The following MORC1 variants were observed in gnomAD, a reference collection of about 807,000 sequenced individuals.
MORC1 encodes the protein MORC family CW-type zinc finger protein 1.
A neutral mutation model predicts 134.9 loss-of-function variants in MORC1; 59 were observed. The ratio of observed to expected loss-of-function variants is 0.44; its 90% CI spans 0.35 to 0.54. The LOEUF (loss-of-function observed/expected upper bound fraction) is 0.54. Among genes scored for constraint, MORC1 ranks in the 20% least tolerant of loss-of-function variants. The pLI, the probability that MORC1 is intolerant of heterozygous loss-of-function variation, is 0.00. For missense variants in MORC1, 947 were observed against 1,134.5 expected, an observed-to-expected ratio of 0.83 and a Z score of 2.37; for synonymous variants, 395 against 391.7, an observed-to-expected ratio of 1.01 and a Z score of -0.10.
At chr3:109,083,779 G>A (rs920435704) in intron 8 of MORC1, among the ~76,000 whole-genome samples, 4 of 152,030 alleles carry the variant, frequency 2.6e-5, no homozygotes, top group Admixed American at 6.6e-5. Context: ...CAAGCAAATC[G>A]AATTCATCAA....
chr3:109,026,548 A>G (rs1000339437), intron 17 of MORC1, among the ~76,000 whole-genome samples: 1 of 152,220 alleles, frequency 6.6e-6, no homozygotes, highest in African/African-American at 2.4e-5. Flanking sequence ...GCTATAGAAA[A>G]GAAAAACAAT....
intron 8 of MORC1, among the ~76,000 whole-genome samples, chr3:109,090,114 T>A (rs575675601): frequency 5.3e-5 from 8 of 151,958 alleles, no homozygotes; most frequent in East Asian, 3.9e-4. Flanking sequence ...ATTGGAAAAA[T>A]TTTTTTTAAT....
intron 3 of MORC1, among the ~76,000 whole-genome samples, chr3:109,106,556 T>TA (rs1252534553): frequency 6.6e-6 from 1 of 152,198 alleles, no homozygotes; most frequent in Non-Finnish European, 1.5e-5. Flanking sequence ...CCTCCCACGT[T>TA]AGACTTTCTC....
chr3:109,030,633 T>C (rs573930118), intron 16 of MORC1, among the ~76,000 whole-genome samples: 1 of 152,336 alleles, frequency 6.6e-6, no homozygotes, highest in South Asian at 2.1e-4. Context: ...ATTATAAATA[T>C]AAGAAAACTT....
At chr3:108,992,912 G>A (rs1948106146) in intron 21 of MORC1, among the ~76,000 whole-genome samples, 1 of 152,078 alleles carries the variant, frequency 6.6e-6, no homozygotes, top group Admixed American at 6.5e-5. Context: ...GTCTTCTTCA[G>A]AATTACAGAA....
chr3:109,107,390 G>A (rs543244052), intron 3 of MORC1, among the ~76,000 whole-genome samples: 1 of 152,118 alleles, frequency 6.6e-6, no homozygotes, highest in Admixed American at 6.5e-5. Flanking sequence ...ACCCACCAAA[G>A]TACAGCTACA....
rs765653324 is a variant in MORC1, at chr3:109,032,711, C to A, written c.1565+9G>T. 17 of 1,528,242 alleles carry A rather than the reference C, an allele frequency of 1.1e-5. No individual in the cohort carries two copies. The highest frequency in any genetic ancestry group is 2.4e-5 in the South Asian group (2 of 82,756). 94.7% of individuals were successfully genotyped at this position (1,528,242 alleles called of 1,614,324 possible). A position where few individuals can be genotyped will look rare whatever the true frequency, so the allele number is the denominator to read the frequency against. On this transcript the variant is annotated intron_variant, in intron 16 of 27. Coordinates refer to ENST00000232603, the MANE Select transcript of MORC1 (RefSeq NM_014429.4). The stretch of plus-strand genomic sequence containing the variant: ...TGAATAAAGAATTTTAGAAAATAAT[C>A]AAAAATACCTGTTTTCCAAGCGGTT...
At chr3:109,030,545 C>T (rs1213621021) in intron 16 of MORC1, among the ~76,000 whole-genome samples, 1 of 152,154 alleles carries the variant, frequency 6.6e-6, no homozygotes. Context: ...ATATTTTTGT[C>T]ACAATCTTTT....
chr3:109,057,788 A>G (rs555161571), intron 12 of MORC1, among the ~76,000 whole-genome samples: 1 of 152,230 alleles, frequency 6.6e-6, no homozygotes, highest in African/African-American at 2.4e-5. Flanking sequence ...GTATAGGTAC[A>G]TTGCAGCATT....
intron 8 of MORC1, among the ~76,000 whole-genome samples, chr3:109,080,960 GAACTATTTCAT>G (rs1293689674): frequency 6.6e-6 from 1 of 151,954 alleles, no homozygotes; most frequent in Non-Finnish European, 1.5e-5. Context: ...GGAAAAGGCT[GAACTATTTCAT>G]AAATATAGAT....
rs542969947 is a variant in MORC1 at position 109,117,946 on chromosome 3, T to C, written c.65+49A>G. ...AGGGGACGGGCAAAACCTTTCTTCA[T>C]GGCGGGCGCAGAGACCCTCCCCGAC... On this transcript the variant is annotated intron_variant, in intron 1 of 27. Coordinates refer to ENST00000232603, the MANE Select transcript of MORC1 (RefSeq NM_014429.4). 64 of 1,463,548 alleles carry C rather than the reference T, an allele frequency of 4.4e-5. 1 individual carries two copies. Among genetic ancestry groups the C allele is most frequent in the South Asian group, 3.3e-4 (27 of 82,780 alleles). 90.7% of individuals were successfully genotyped at this position (1,463,548 alleles called of 1,614,324 possible).
chr3:109,073,158 T>C (rs1334548922), intron 8 of MORC1, among the ~76,000 whole-genome samples: 1 of 152,224 alleles, frequency 6.6e-6, no homozygotes, highest in Non-Finnish European at 1.5e-5. Flanking sequence ...GTGCTTTCTG[T>C]GTGGCCTCTT....
chr3:109,070,162 C>A (rs1224963479), intron 8 of MORC1, among the ~76,000 whole-genome samples: 1 of 152,140 alleles, frequency 6.6e-6, no homozygotes, highest in African/African-American at 2.4e-5. Context: ...AAAGCATTCC[C>A]ATTAAGTCCT....
intron 5 of MORC1, among the ~76,000 whole-genome samples, chr3:109,100,014 C>T (rs62274701): frequency 0.017 from 2,537 of 152,150 alleles, 43 homozygotes; most frequent in Non-Finnish European, 0.022. Context: ...GAGGCCGAGG[C>T]GGGCTGATTA....
At chr3:109,075,660 A>C (rs941676418) in intron 8 of MORC1, among the ~76,000 whole-genome samples, 1 of 152,010 alleles carries the variant, frequency 6.6e-6, no homozygotes, top group Non-Finnish European at 1.5e-5. Context: ...TGGTCTATAT[A>C]TCTGTTTTGG....
At chr3:109,023,349 G>A (rs768230274) in intron 17 of MORC1, among the ~76,000 whole-genome samples, 13 of 152,232 alleles carry the variant, frequency 8.5e-5, no homozygotes, top group Non-Finnish European at 1.9e-4. Context: ...CTGGGCTGTA[G>A]GCCAAGAAAT....
intron 21 of MORC1, among the ~76,000 whole-genome samples, chr3:108,991,565 G>C (rs991729863): frequency 4.6e-5 from 7 of 152,130 alleles, no homozygotes; most frequent in Non-Finnish European, 8.8e-5. Context: ...TCTCTGGGTA[G>C]TTCATCCTTT....
chr3:109,063,055 A>G lies in MORC1; in HGVS notation c.895+97T>C, dbSNP rs1011934991. The stretch of plus-strand genomic sequence containing the variant: ...CATTTAATTAATTGTAGTAGCTCCT[A>G]CAATGCCTAGAGCAATGTATGTCTC... On this transcript the variant is annotated intron_variant, in intron 10 of 27. Coordinates refer to ENST00000232603, the MANE Select transcript of MORC1 (RefSeq NM_014429.4). The G allele has an allele frequency of 1.7e-5, 14 of 836,266 alleles. 1 individual carries two copies. The highest frequency in any genetic ancestry group is 1.3e-4 in the Admixed American group (6 of 46,756). The allele number at this position is 836,266 out of a possible 1,614,324, so 51.8% of individuals were successfully genotyped here.
intron 8 of MORC1, among the ~76,000 whole-genome samples, chr3:109,071,711 A>G (rs759408358): frequency 2.0e-5 from 3 of 152,194 alleles, no homozygotes; most frequent in Non-Finnish European, 4.4e-5. Context: ...CATCTAGGAT[A>G]GCTTATTAGA....
Sources: allele counts gnomAD v4.1 joint callset (sites outside exome capture counted in the v4.1 genomes callset), GRCh38; gene constraint gnomAD v4.1.1; transcripts MANE v1.5; gene names NCBI Gene and HGNC (gene_info 2026-07-23, HGNC 2026-07-21).